The following ABLIM1 variants were observed in gnomAD, a reference collection of about 807,000 sequenced individuals.
ABLIM1 encodes the protein actin binding LIM protein 1.
In ABLIM1, 40 loss-of-function variants were observed where a neutral mutation model predicts 107.0. The observed-to-expected ratio is 0.37, with a 90% confidence interval of 0.29 to 0.49. ABLIM1 has a LOEUF of 0.49. Ranked by LOEUF, ABLIM1 falls within the 20% of genes least tolerant of loss-of-function variation. The probability of loss-of-function intolerance (pLI) is 0.97; values close to 1 mark genes in which losing one functional copy is unlikely to be tolerated. For synonymous variants in ABLIM1, 357 were observed against 357.3 expected (o/e 1.00, Z 0.01); for missense variants, 857 against 1,008.5 (o/e 0.85, Z 2.04).
At chr10:114,546,821 C>T (rs181053851) in intron 5 of ABLIM1, among the ~76,000 whole-genome samples, 1 of 152,110 alleles carries the variant, frequency 6.6e-6, no homozygotes, top group Non-Finnish European at 1.5e-5. Context: ...TACTCAGTTG[C>T]CCTGGCTGGA....
intron 1 of ABLIM1, among the ~76,000 whole-genome samples, chr10:114,603,534 T>C (rs1290608746): frequency 1.3e-5 from 2 of 151,944 alleles, no homozygotes; most frequent in South Asian, 2.1e-4. Flanking sequence ...AACTCAGTTA[T>C]TATCTAAAGG....
At chr10:114,512,291 T>C (rs937168821) in intron 6 of ABLIM1, among the ~76,000 whole-genome samples, 2 of 152,224 alleles carry the variant, frequency 1.3e-5, no homozygotes, top group Non-Finnish European at 2.9e-5. Context: ...GTACCTCTTA[T>C]TCACTCGTGA....
chr10:114,503,318 G>T (rs1198656268), intron 6 of ABLIM1, among the ~76,000 whole-genome samples: 1 of 152,038 alleles, frequency 6.6e-6, no homozygotes, highest in Non-Finnish European at 1.5e-5. Context: ...AGGCATAATG[G>T]TACATGCCTG....
chr10:114,607,773 A>G (rs1284216976), intron 1 of ABLIM1, among the ~76,000 whole-genome samples: 3 of 152,246 alleles, frequency 2.0e-5, no homozygotes, highest in African/African-American at 4.8e-5. Context: ...TAAAAAACAA[A>G]GAACATCTGA....
intron 1 of ABLIM1, among the ~76,000 whole-genome samples, chr10:114,750,622 C>G (rs1201861359): frequency 6.6e-6 from 1 of 152,310 alleles, no homozygotes; most frequent in East Asian, 1.9e-4. Flanking sequence ...TATAAAACAT[C>G]TTTCTCCCAG....
At chr10:114,639,154 C>T (rs76755893) in intron 1 of ABLIM1, among the ~76,000 whole-genome samples, 63 of 152,254 alleles carry the variant, frequency 4.1e-4, no homozygotes, top group East Asian at 3.7e-3. Flanking sequence ...CAGTCATCAT[C>T]GGAGGAACTA....
At chr10:114,639,550 G>A (rs2078640694) in intron 1 of ABLIM1, among the ~76,000 whole-genome samples, 1 of 152,194 alleles carries the variant, frequency 6.6e-6, no homozygotes, top group African/African-American at 2.4e-5. Flanking sequence ...TGTTTTCTCT[G>A]TCTGGGTTTC....
At chr10:114,710,743 T>A (rs529440776) in intron 1 of ABLIM1, among the ~76,000 whole-genome samples, 39 of 152,282 alleles carry the variant, frequency 2.6e-4, no homozygotes, top group African/African-American at 6.3e-4. Context: ...ATGGTGCCAC[T>A]GCACTCCAGC....
At chr10:114,794,210 T>C in the ABLIM1 span, among the ~76,000 whole-genome samples, 1 of 152,220 alleles carries the variant, frequency 6.6e-6, no homozygotes, top group Non-Finnish European at 1.5e-5. Flanking sequence ...GCTTGACCCC[T>C]CTACTTATTC....
chr10:114,614,144 T>C (rs2076983864), intron 1 of ABLIM1, among the ~76,000 whole-genome samples: 1 of 152,132 alleles, frequency 6.6e-6, no homozygotes, highest in Admixed American at 6.5e-5. Context: ...AACTCCTAAA[T>C]GTAACCTTCC....
chr10:114,470,680 C>A (rs2066336846), intron 10 of ABLIM1, among the ~76,000 whole-genome samples: 1 of 152,088 alleles, frequency 6.6e-6, no homozygotes, highest in South Asian at 2.1e-4. Flanking sequence ...TTTTCTTAAG[C>A]ACTTATTATG....
chr10:114,526,860 G>A (rs998926039), intron 6 of ABLIM1: 1 of 985,426 alleles, frequency 1.0e-6, no homozygotes, highest in Non-Finnish European at 1.2e-6. Context: ...CATCCCTCTA[G>A]AGACGCACTC....
chr10:114,681,989 TA>T (rs1204225641), intron 1 of ABLIM1, among the ~76,000 whole-genome samples: 1 of 152,214 alleles, frequency 6.6e-6, no homozygotes, highest in Non-Finnish European at 1.5e-5. Context: ...ATATGAAACC[TA>T]AAAGTAGTGC....
intron 6 of ABLIM1, among the ~76,000 whole-genome samples, chr10:114,502,534 T>C (rs977231309): frequency 2.6e-5 from 4 of 152,140 alleles, no homozygotes; most frequent in African/African-American, 4.8e-5. Context: ...ATTCACTCTG[T>C]TGCCCAGGTT....
intron 10 of ABLIM1, 97 bp from the exon 11 acceptor site, chr10:114,468,313 C>G (rs1815247): frequency 2.4e-6 from 3 of 1,226,802 alleles, no homozygotes; most frequent in Non-Finnish European, 3.6e-6. Flanking sequence ...CTCGCTCTGT[C>G]GCCCAGGCTG....
At chr10:114,779,572 A>G in the ABLIM1 span, 1 of 152,242 alleles carries the variant, frequency 6.6e-6, no homozygotes, top group Non-Finnish European at 1.5e-5. Context: ...GTGTGTGTAC[A>G]TATACACAAA....
chr10:114,632,424 A>G, intron 1 of ABLIM1: 1 of 985,426 alleles, frequency 1.0e-6, no homozygotes, highest in African/African-American at 1.7e-5. Flanking sequence ...GCTCCCTGTT[A>G]CAGTCGCTTT....
chr10:114,702,857 C>G (rs1483622430), intron 1 of ABLIM1, among the ~76,000 whole-genome samples: 1 of 152,126 alleles, frequency 6.6e-6, no homozygotes, highest in African/African-American at 2.4e-5. Flanking sequence ...AATAATAAAT[C>G]AACTCCACCA....
intron 1 of ABLIM1, among the ~76,000 whole-genome samples, chr10:114,695,405 G>A (rs2081174437): frequency 6.6e-6 from 1 of 152,096 alleles, no homozygotes; most frequent in African/African-American, 2.4e-5. Flanking sequence ...TTTTATAGAG[G>A]AGAGAACTGA....
Sources: gnomAD v4.1 joint callset for allele counts (sites outside exome capture counted in the v4.1 genomes callset) on GRCh38, gnomAD v4.1.1 for gene constraint, MANE v1.5 for transcripts, NCBI Gene and HGNC (gene_info 2026-07-23, HGNC 2026-07-21) for gene names.